The following PATJ variants were observed in gnomAD, a reference collection of about 807,000 sequenced individuals.
PATJ encodes the protein PATJ crumbs cell polarity complex component.
PATJ carries 190 observed loss-of-function variants against 224.9 expected under a neutral mutation model. That is an observed-to-expected ratio of 0.84 (90% CI 0.75 to 0.95). The LOEUF (loss-of-function observed/expected upper bound fraction) is 0.95. Among genes scored for constraint, PATJ ranks in the 40% least tolerant of loss-of-function variants. PATJ has a pLI of 0.00. For missense variants in PATJ, 2,121 were observed against 2,270.3 expected (o/e 0.93, Z 1.34); for synonymous variants, 769 against 820.3 (o/e 0.94, Z 1.07).
Position 61,901,329 on chromosome 1 carries a change from T to C in PATJ, c.3251T>C (p.Val1084Ala). ...AATGTGTCTCTTGGGATCAGTATTG[T>C]TGGTGGACAAACTGTTATAAAACGT... ...EPNVSLGISI[V>A]GGQTVIKRLK... The change falls in exon 24 of 44, where the codon GTT becomes GCT. Residue 1084 changes from valine to alanine, a missense_variant. Physicochemically the swap from Val to Ala is moderately conservative, Grantham distance 64 (BLOSUM62 0). Coordinates refer to ENST00000642238, the MANE Select transcript of PATJ (RefSeq NM_001350145.3). 6.3e-7 allele frequency: 1 copy of C among 1,578,940 alleles called. No individual in the cohort carries two copies. Among genetic ancestry groups the C allele is most frequent in the Non-Finnish European group, 8.6e-7 (1 of 1,168,904 alleles).
intron 34 of PATJ, among the ~76,000 whole-genome samples, chr1:62,109,401 G>A (rs770044294): frequency 1.3e-5 from 2 of 152,122 alleles, no homozygotes; most frequent in South Asian, 2.1e-4. Flanking sequence ...AAACATAGGC[G>A]AGAAGGGGTT....
chr1:62,027,628 C>CTTTTTTTTTT (rs57019359), intron 29 of PATJ, among the ~76,000 whole-genome samples: 3 of 109,842 alleles, frequency 2.7e-5, no homozygotes, highest in African/African-American at 3.9e-5. Context: ...GCCAACATTC[C>CTTTTTTTTTT]TTTTTTTTTT....
intron 41 of PATJ, among the ~76,000 whole-genome samples, chr1:62,136,830 A>G (rs940581841): frequency 6.6e-6 from 1 of 151,928 alleles, no homozygotes; most frequent in Non-Finnish European, 1.5e-5. Flanking sequence ...TCAGCCTCCC[A>G]AAGTGCTGGG....
chr1:61,910,181 T>C (rs192240361), intron 25 of PATJ, among the ~76,000 whole-genome samples: 3 of 152,208 alleles, frequency 2.0e-5, no homozygotes, highest in African/African-American at 7.2e-5. Context: ...TAATTTTGAA[T>C]GAGAATGAGC....
chr1:61,853,830 T>C (rs1663221560), intron 17 of PATJ, among the ~76,000 whole-genome samples: 1 of 152,240 alleles, frequency 6.6e-6, no homozygotes, highest in African/African-American at 2.4e-5. Context: ...ACTTTATTAG[T>C]GAGTTCCCTG....
At position 62,018,051 on chromosome 1, in the gene PATJ, C is replaced by A. The variant is rs1455174734; in HGVS notation, c.3959+104C>A. 1.4e-5 allele frequency: 9 copies of A among 635,172 alleles called. No homozygotes were observed. Among genetic ancestry groups the A allele is most frequent in the Non-Finnish European group, 2.6e-5 (9 of 340,800 alleles). 39.3% of individuals were successfully genotyped at this position (635,172 alleles called of 1,614,324 possible). A position where few individuals can be genotyped will look rare whatever the true frequency, so the allele number is the denominator to read the frequency against. ...GATTTGTCTAGCGAAATCACTGTTC[C>A]TTCTAAAAACATATATTCCTTTTGT... is the stretch of plus-strand genomic sequence containing the variant. On this transcript the variant is annotated intron_variant, in intron 29 of 43. Coordinates refer to ENST00000642238, the MANE Select transcript of PATJ (RefSeq NM_001350145.3). The surrounding 1 kb of genome is among the most constrained non-coding windows in gnomAD (Gnocchi z 4.2).
chr1:61,899,896 C>G (rs1220282628), intron 23 of PATJ, among the ~76,000 whole-genome samples: 1 of 152,162 alleles, frequency 6.6e-6, no homozygotes, highest in Non-Finnish European at 1.5e-5. Flanking sequence ...ACTTAGATGT[C>G]CATCTAACAA....
chr1:61,799,267 A>G (rs1336845107), intron 11 of PATJ, among the ~76,000 whole-genome samples: 1 of 152,104 alleles, frequency 6.6e-6, no homozygotes, highest in South Asian at 2.1e-4. Flanking sequence ...ATCTTGGCTC[A>G]CTGCAACTTC....
intron 41 of PATJ, among the ~76,000 whole-genome samples, 163 bp from the exon 42 acceptor site, chr1:62,148,121 T>TAAAAAAAA (rs59697245): frequency 1.7e-5 from 2 of 118,456 alleles, no homozygotes; most frequent in Admixed American, 9.4e-5. Flanking sequence ...ACACTGTCTT[T>TAAAAAAAA]AAAAAAAAAA....
chr1:61,965,306 A>G (rs749945913), intron 27 of PATJ, among the ~76,000 whole-genome samples: 3 of 152,048 alleles, frequency 2.0e-5, no homozygotes, highest in Non-Finnish European at 4.4e-5. Flanking sequence ...TCAGGATTCA[A>G]TGAAAAAAAC....
chr1:62,097,806 TGTTCAACCTATGC>T (rs1423873350), intron 33 of PATJ, among the ~76,000 whole-genome samples: 3 of 152,220 alleles, frequency 2.0e-5, no homozygotes, highest in African/African-American at 7.2e-5. Context: ...TTTTATATCT[TGTTCAACCTATGC>T]GAGTTAGGAT....
chr1:61,851,656 C>T (rs1662824733), intron 17 of PATJ, among the ~76,000 whole-genome samples: 1 of 151,582 alleles, frequency 6.6e-6, no homozygotes, highest in South Asian at 2.1e-4. Flanking sequence ...ATTATGATCA[C>T]CTTTTTATTT....
intron 14 of PATJ, among the ~76,000 whole-genome samples, chr1:61,810,432 C>G (rs759424010): frequency 2.0e-5 from 3 of 151,946 alleles, no homozygotes; most frequent in Non-Finnish European, 4.4e-5. Context: ...GGTGTGGTGG[C>G]TCACACCTGT....
intron 27 of PATJ, among the ~76,000 whole-genome samples, chr1:61,956,834 A>C (rs1680506418): frequency 1.3e-5 from 2 of 152,222 alleles, no homozygotes; most frequent in Admixed American, 6.5e-5. Context: ...GATCATTTGC[A>C]AGTTGTTTAG....
At chr1:61,989,392 G>C (rs1644941069) in intron 27 of PATJ, among the ~76,000 whole-genome samples, 1 of 152,148 alleles carries the variant, frequency 6.6e-6, no homozygotes, top group Admixed American at 6.5e-5. Context: ...TGGTAGATTT[G>C]TGGAATGAAT....
At chr1:61,991,506 A>C in intron 28 of PATJ, 2 of 985,420 alleles carry the variant, frequency 2.0e-6, no homozygotes, top group South Asian at 4.7e-5. Flanking sequence ...TAGAATTTAC[A>C]GTCATCCATA....
intron 43 of PATJ, among the ~76,000 whole-genome samples, chr1:62,156,971 A>G (rs909956729): frequency 6.6e-6 from 1 of 152,074 alleles, no homozygotes; most frequent in Non-Finnish European, 1.5e-5. Flanking sequence ...ATGAAAATCT[A>G]TACCTTTCAA....
At chr1:62,077,793 A>G (rs1372840197) in intron 31 of PATJ, among the ~76,000 whole-genome samples, 3 of 152,120 alleles carry the variant, frequency 2.0e-5, no homozygotes, top group African/African-American at 7.2e-5. Context: ...TTAAGCTTGT[A>G]GCATTCTTCA....
chr1:61,978,162 A>G (rs1290601844), intron 27 of PATJ, among the ~76,000 whole-genome samples: 1 of 151,412 alleles, frequency 6.6e-6, no homozygotes, highest in Non-Finnish European at 1.5e-5. Flanking sequence ...AGGAAGAGAC[A>G]TTTTCTCTAC....
Sources: allele counts gnomAD v4.1 joint callset (sites outside exome capture counted in the v4.1 genomes callset), GRCh38; gene constraint gnomAD v4.1.1; non-coding constraint Gnocchi (gnomAD v3.1); transcripts MANE v1.5; gene names NCBI Gene and HGNC (gene_info 2026-07-23, HGNC 2026-07-21).